PPARGC1A: variants seen among roughly 807,000 people sequenced by gnomAD.
PPARGC1A encodes PPARG coactivator 1 alpha.
A neutral mutation model predicts 88.7 loss-of-function variants in PPARGC1A; 25 were observed. The observed-to-expected ratio is 0.28, with a 90% CI of 0.21 to 0.39. PPARGC1A has a LOEUF of 0.39. PPARGC1A is among the 10% of genes least tolerant of loss of function. The pLI is 1.00. For synonymous variants in PPARGC1A, 363 were observed against 355.6 expected (o/e 1.02, Z -0.24); for missense variants, 880 against 968.7 (o/e 0.91, Z 1.22).
chr4:24,191,488 A>C, the PPARGC1A span, among the ~76,000 whole-genome samples: 1 of 152,192 alleles, frequency 6.6e-6, no homozygotes, highest in South Asian at 2.1e-4. Context: ...TCGCCTTTGC[A>C]TGCTTTCTGG....
chr4:23,802,249 A>G lies in PPARGC1A; in HGVS notation c.2116T>C (p.Cys706Arg). The G allele has an allele frequency of 2.5e-6, 4 of 1,613,998 alleles. No homozygotes were observed. Among genetic ancestry groups the G allele is most frequent in the Non-Finnish European group, 3.4e-6 (4 of 1,179,960 alleles). The stretch of plus-strand genomic sequence containing the variant: ...CCATCATCCCGCAGATTTACTGTGC[A>G]CTCCTCAATTTCACCAAAAACTTCA... ...RFEVFGEIEE[C>R]TVNLRDDGDS... Residue 706 changes from cysteine (C) to arginine (R), a missense_variant, in exon 11 of 13, where the codon TGC (cysteine) becomes CGC (arginine). Cys to Arg is a radical substitution (Grantham distance 180). Coordinates refer to ENST00000264867, the MANE Select transcript of PPARGC1A (RefSeq NM_013261.5).
At chr4:24,402,481 G>C in the PPARGC1A span, among the ~76,000 whole-genome samples, 1 of 152,154 alleles carries the variant, frequency 6.6e-6, no homozygotes, top group East Asian at 1.9e-4. Flanking sequence ...AATCCGATGA[G>C]GCATGGGTTT....
chr4:24,086,100 G>T, the PPARGC1A span, among the ~76,000 whole-genome samples: 1 of 152,044 alleles, frequency 6.6e-6, no homozygotes, highest in African/African-American at 2.4e-5. Flanking sequence ...TCTTCACAGG[G>T]CTTTGTTTAT....
At chr4:23,875,904 C>G (rs1427828147) in intron 2 of PPARGC1A, 2 of 152,210 alleles carry the variant, frequency 1.3e-5, no homozygotes, top group African/African-American at 4.8e-5. Context: ...ATCAGCCTCT[C>G]AGGCAAGCAG....
chr4:24,263,472 C>T, the PPARGC1A span, among the ~76,000 whole-genome samples: 2 of 151,612 alleles, frequency 1.3e-5, no homozygotes, highest in African/African-American at 4.9e-5. Flanking sequence ...CACACACACA[C>T]ACACACACAC....
chr4:24,073,192 C>T, the PPARGC1A span, among the ~76,000 whole-genome samples: 11 of 152,112 alleles, frequency 7.2e-5, no homozygotes, highest in Non-Finnish European at 1.2e-4. Flanking sequence ...CAGGCACTTG[C>T]CACCACACCC....
the PPARGC1A span, among the ~76,000 whole-genome samples, chr4:24,273,950 G>A: frequency 4.0e-5 from 6 of 151,356 alleles, no homozygotes; most frequent in East Asian, 1.2e-3. Context: ...ATGTTGGCCA[G>A]GCTGGTCTCA....
intron 2 of PPARGC1A, among the ~76,000 whole-genome samples, chr4:23,873,682 T>C (rs1714064343): frequency 6.6e-6 from 1 of 152,196 alleles, no homozygotes; most frequent in Admixed American, 6.5e-5. Context: ...TATTTCCTAA[T>C]GCTCTAGTAA....
At chr4:24,354,451 A>G in the PPARGC1A span, among the ~76,000 whole-genome samples, 19 of 152,220 alleles carry the variant, frequency 1.2e-4, no homozygotes, top group African/African-American at 4.6e-4. Context: ...ATGTTCACCA[A>G]TTTACACCCA....
chr4:23,911,641 A>G, the PPARGC1A span, among the ~76,000 whole-genome samples: 49 of 152,216 alleles, frequency 3.2e-4, no homozygotes, highest in Non-Finnish European at 1.0e-4. Flanking sequence ...ATTAGTCAAT[A>G]ACTTTCCAAT....
the PPARGC1A span, among the ~76,000 whole-genome samples, chr4:24,011,373 A>C: frequency 1.3e-5 from 2 of 152,248 alleles, no homozygotes; most frequent in South Asian, 4.1e-4. Context: ...ACAAGCACTC[A>C]CACATACACA....
At chr4:23,911,423 C>T in the PPARGC1A span, among the ~76,000 whole-genome samples, 1 of 152,180 alleles carries the variant, frequency 6.6e-6, no homozygotes, top group Admixed American at 6.5e-5. Context: ...TTCTAATATG[C>T]ATCCCCATGG....
the PPARGC1A span, among the ~76,000 whole-genome samples, chr4:24,103,119 G>A: frequency 1.3e-5 from 2 of 152,066 alleles, no homozygotes; most frequent in Non-Finnish European, 2.9e-5. Context: ...AATTCTGCAT[G>A]ATATCACCAT....
At chr4:24,436,657 G>A in the PPARGC1A span, among the ~76,000 whole-genome samples, 5 of 134,480 alleles carry the variant, frequency 3.7e-5, no homozygotes, top group Non-Finnish European at 8.0e-5. Context: ...GGCCACCCCA[G>A]AGCCCAGGTC....
At chr4:24,387,936 GAAAGA>G in the PPARGC1A span, among the ~76,000 whole-genome samples, 1 of 105,546 alleles carries the variant, frequency 9.5e-6, no homozygotes, top group African/African-American at 3.7e-5. Flanking sequence ...GAAAGAAAGA[GAAAGA>G]AAGAAAGAAA....
the PPARGC1A span, among the ~76,000 whole-genome samples, chr4:24,105,545 T>G: frequency 6.6e-6 from 1 of 152,222 alleles, no homozygotes; most frequent in Non-Finnish European, 1.5e-5. Flanking sequence ...CTTGTTTCAA[T>G]GCAGACTCTG....
chr4:23,976,486 T>C, the PPARGC1A span, among the ~76,000 whole-genome samples: 54,531 of 152,100 alleles, frequency 0.36, 10,584 homozygotes, highest in Non-Finnish European at 0.46. Flanking sequence ...CTGAATTGAC[T>C]ATTTATCTAG....
At chr4:24,016,937 C>T in the PPARGC1A span, among the ~76,000 whole-genome samples, 2 of 152,080 alleles carry the variant, frequency 1.3e-5, no homozygotes, top group African/African-American at 2.4e-5. Context: ...GTTCTCACTC[C>T]TTTTAGTGGA....
chr4:23,894,854 G>A (rs926121714), upstream of PPARGC1A, among the ~76,000 whole-genome samples: 1 of 152,022 alleles, frequency 6.6e-6, no homozygotes, highest in Non-Finnish European at 1.5e-5. Context: ...TGTTCAACTC[G>A]GTTGTATTTG....
Sources: gnomAD v4.1 joint callset for allele counts (sites outside exome capture counted in the v4.1 genomes callset) on GRCh38, gnomAD v4.1.1 for gene constraint, MANE v1.5 for transcripts, NCBI Gene and HGNC (gene_info 2026-07-23, HGNC 2026-07-21) for gene names.